The following PAX7 variants were observed in gnomAD, a reference collection of about 807,000 sequenced individuals.
The protein encoded by PAX7 is paired box protein Pax-7.
A neutral mutation model predicts 50.7 loss-of-function variants in PAX7; 18 were observed. That is an observed-to-expected ratio of 0.36 (90% CI 0.25 to 0.53). The LOEUF is 0.53. Ranked by LOEUF, PAX7 falls within the 20% of genes least tolerant of loss-of-function variation. The pLI is 0.93. For missense variants in PAX7, 644 were observed against 702.9 expected (o/e 0.92, Z 0.95); for synonymous variants, 310 against 290.4 (o/e 1.07, Z -0.69).
intron 4 of PAX7, among the ~76,000 whole-genome samples, chr1:18,655,907 C>T (rs1388136200): frequency 6.6e-6 from 1 of 151,886 alleles, no homozygotes; most frequent in Non-Finnish European, 1.5e-5. Context: ...CATCTACTTC[C>T]TTCCTTCCTG....
intron 8 of PAX7, among the ~76,000 whole-genome samples, chr1:18,737,841 A>C (rs555718789): frequency 3.3e-5 from 5 of 152,360 alleles, no homozygotes; most frequent in Non-Finnish European, 7.3e-5. Context: ...ATAGGTATGC[A>C]TATGTCAATA....
Position 18,634,054 on chromosome 1 carries a change from A to G in PAX7, c.86-249A>G, listed in dbSNP as rs373936233. Among the ~76,000 whole-genome samples the G allele has an allele frequency of 1.9e-4, 29 of 152,160 alleles. No homozygotes were observed. Among genetic ancestry groups the G allele is most frequent in the African/African-American group, 4.8e-4 (20 of 41,516 alleles). ...CTCGTAGTGTGGCAGGAGTTGGGGG[A>G]CACAGCATCTGGGGAGACTCTTGCA... On this transcript the variant is annotated intron_variant, in intron 1 of 8. Transcript: ENST00000420770. This position sits in a 1 kb window ranked among gnomAD's most constrained non-coding sequence, Gnocchi z 4.0.
chr1:18,727,371 TACACACAC>T (rs56258552), intron 7 of PAX7, among the ~76,000 whole-genome samples: 2,339 of 134,022 alleles, frequency 0.017, 69 homozygotes, highest in African/African-American at 0.059. Flanking sequence ...CTCTCTCTCA[TACACACAC>T]ACACACACAC....
chr1:18,727,451 G>A (rs2089590061), intron 7 of PAX7, among the ~76,000 whole-genome samples: 1 of 151,092 alleles, frequency 6.6e-6, no homozygotes, highest in Non-Finnish European at 1.5e-5. Context: ...AGCCACCTAT[G>A]GTAAATGAAG....
intron 4 of PAX7, among the ~76,000 whole-genome samples, chr1:18,660,419 C>T (rs902804531): frequency 3.9e-5 from 6 of 152,056 alleles, no homozygotes; most frequent in South Asian, 4.2e-4. Context: ...GGGAGGAAAA[C>T]GGAAAATCCA....
chr1:18,700,905 T>A lies in PAX7; in HGVS notation c.952+87T>A, dbSNP rs781414102. Reference sequence around the variant, plus strand: ...CACTTACAAAGGCTCTTCTTTTTTTTATGACCATTTCTTACTTTCATGTAA... The same window carrying A: ...CACTTACAAAGGCTCTTCTTTTTTTAATGACCATTTCTTACTTTCATGTAA... On this transcript the variant is annotated intron_variant, in intron 6 of 8. Coordinates refer to ENST00000420770, the MANE Select transcript of PAX7 (RefSeq NM_001135254.2). The surrounding 1 kb of genome is among the most constrained non-coding windows in gnomAD (Gnocchi z 4.8). The A allele has an allele frequency of 5.1e-5, 62 of 1,204,696 alleles. No individual in the cohort carries two copies. The highest frequency in any genetic ancestry group is 6.6e-5 in the Non-Finnish European group (60 of 911,944). 74.6% of individuals were successfully genotyped at this position (1,204,696 alleles called of 1,614,324 possible).
intron 7 of PAX7, among the ~76,000 whole-genome samples, chr1:18,713,330 G>A (rs906986846): frequency 6.6e-6 from 1 of 152,152 alleles, no homozygotes; most frequent in African/African-American, 2.4e-5. Flanking sequence ...CAGCATGGCA[G>A]TACTTGGCAC....
chr1:18,722,767 G>A (rs1454165931), intron 7 of PAX7, among the ~76,000 whole-genome samples: 1 of 152,108 alleles, frequency 6.6e-6, no homozygotes, highest in African/African-American at 2.4e-5. Flanking sequence ...AAGAGCTCCT[G>A]GGTCCATCTC....
At position 18,726,560 on chromosome 1, in the gene PAX7, G is replaced by A. The variant is rs773573325; in HGVS notation, c.1156-9072G>A. Among the ~76,000 whole-genome samples, 56 of 152,140 alleles carry A rather than the reference G, an allele frequency of 3.7e-4. No individual in the cohort carries two copies. The highest frequency in any genetic ancestry group is 1.4e-3 in the Admixed American group (21 of 15,276). ...AAATCCAGGCACGTCATGGCCACAA[G>A]AAAACAACAAACAGGGTGAGGCTCA... On this transcript the variant is annotated intron_variant, in intron 7 of 8. Coordinates refer to ENST00000420770, the MANE Select transcript of PAX7 (RefSeq NM_001135254.2). The surrounding 1 kb of genome is among the most constrained non-coding windows in gnomAD (Gnocchi z 4.8).
chr1:18,672,175 C>A (rs1203367848), intron 4 of PAX7, among the ~76,000 whole-genome samples: 1 of 152,006 alleles, frequency 6.6e-6, no homozygotes, highest in Non-Finnish European at 1.5e-5. Flanking sequence ...TTCCTCATCC[C>A]ACGCACCCTT....
rs1220276374 is a variant in PAX7, at chr1:18,748,358, C to T, written c.*3429C>T. The stretch of plus-strand genomic sequence containing the variant: ...ACCTCTCTCAGGCTGATGTTCTTCT[C>T]ATCAAGCTCCCGAATGTGTCTCGCA... On this transcript the variant is annotated 3_prime_UTR_variant, in exon 9 of 9. Coordinates refer to ENST00000420770, the MANE Select transcript of PAX7 (RefSeq NM_001135254.2). 1 of 229,960 alleles carries T rather than the reference C, an allele frequency of 4.3e-6. No individual in the cohort carries two copies. Among genetic ancestry groups the T allele is most frequent in the Non-Finnish European group, 8.6e-6 (1 of 116,054 alleles). The allele number at this position is 229,960 out of a possible 1,614,324, so 14.2% of individuals were successfully genotyped here.
Position 18,726,764 on chromosome 1 carries a change from A to T in PAX7, c.1156-8868A>T, listed in dbSNP as rs2089577159. 6.6e-6 allele frequency among the ~76,000 whole-genome samples: 1 copy of T among 152,192 alleles called. No homozygotes were observed. The highest frequency in any genetic ancestry group is 2.4e-5 in the African/African-American group (1 of 41,444). ...GTCTTCTGCTGCAGTTTCACAAATT[A>T]TCCCCTCTGCTTTCCTCTTCACTCA... On this transcript the variant is annotated intron_variant, in intron 7 of 8. Transcript: ENST00000420770. This position sits in a 1 kb window ranked among gnomAD's most constrained non-coding sequence, Gnocchi z 4.8.
At chr1:18,731,923 A>G (rs1354900464) in intron 7 of PAX7, among the ~76,000 whole-genome samples, 1 of 152,146 alleles carries the variant, frequency 6.6e-6, no homozygotes, top group Non-Finnish European at 1.5e-5. Context: ...CTGAGAAAGG[A>G]CTGCACAAGC....
chr1:18,660,758 G>C (rs2100477723), intron 4 of PAX7, among the ~76,000 whole-genome samples: 1 of 152,256 alleles, frequency 6.6e-6, no homozygotes, highest in South Asian at 2.1e-4. Context: ...AAAAACAGAA[G>C]GGGGCTCAGA....
intron 4 of PAX7, among the ~76,000 whole-genome samples, chr1:18,670,134 C>T (rs2088722991): frequency 6.7e-6 from 1 of 149,404 alleles, no homozygotes. Flanking sequence ...ACATAGGAAG[C>T]ACTTTTTATG....
chr1:18,672,188 T>A (rs2088759642), intron 4 of PAX7, among the ~76,000 whole-genome samples: 1 of 151,990 alleles, frequency 6.6e-6, no homozygotes, highest in Non-Finnish European at 1.5e-5. Context: ...GCACCCTTGA[T>A]AATACCCTTT....
At chr1:18,685,856 G>C (rs1419196781) in intron 4 of PAX7, among the ~76,000 whole-genome samples, 5 of 152,154 alleles carry the variant, frequency 3.3e-5, no homozygotes, top group African/African-American at 1.2e-4. Context: ...AGAGGCAAAG[G>C]CTGGGGGAGA....
At chr1:18,658,584 A>C (rs2088557071) in intron 4 of PAX7, among the ~76,000 whole-genome samples, 1 of 152,156 alleles carries the variant, frequency 6.6e-6, no homozygotes, top group African/African-American at 2.4e-5. Context: ...GGCCTGGCCC[A>C]CTCTTGGGGG....
At position 18,657,443 on chromosome 1, in the gene PAX7, C is replaced by T. The variant is rs935985520; in HGVS notation, c.586+21072C>T. On this transcript the variant is annotated intron_variant, in intron 4 of 8. Transcript: ENST00000420770. The stretch of plus-strand genomic sequence containing the variant: ...GCAGTTTTTAAAAACTGCCTGATGG[C>T]AAAGAGACCAAATGACCCCAGATCT... Among the ~76,000 whole-genome samples the T allele has an allele frequency of 6.6e-5, 10 of 152,134 alleles. No homozygotes were observed. The East Asian group carries it at 7.7e-4, about 12-fold the overall frequency.
Sources: gnomAD v4.1 joint callset for allele counts (sites outside exome capture counted in the v4.1 genomes callset) on GRCh38, gnomAD v4.1.1 for gene constraint, Gnocchi (gnomAD v3.1) non-coding constraint, MANE v1.5 for transcripts, NCBI Gene and HGNC (gene_info 2026-07-23, HGNC 2026-07-21) for gene names.